Variants in MAOA observed in about 807,000 individuals in gnomAD.
The protein encoded by MAOA is amine oxidase [flavin-containing] A.
MAOA carries 6 observed loss-of-function variants against 42.0 expected under a neutral mutation model. The ratio of observed to expected loss-of-function variants is 0.14; its 90% CI spans 0.08 to 0.28. The LOEUF is 0.28. Ranked by LOEUF, MAOA falls within the 10% of genes least tolerant of loss-of-function variation. The probability of loss-of-function intolerance (pLI) is 1.00; values close to 1 mark genes in which losing one functional copy is unlikely to be tolerated. For missense variants in MAOA, 262 were observed against 422.3 expected (o/e 0.62, Z 3.33); for synonymous variants, 140 against 154.0 (o/e 0.91, Z 0.67).
At chrX:43,665,161 T>G (rs754054289) in intron 1 of MAOA, among the ~76,000 whole-genome samples, 5 of 111,625 alleles carry the variant, frequency 4.5e-5, no homozygotes, top group Non-Finnish European at 9.4e-5. Context: ...CCTTTGGGAG[T>G]TTATTATGCT....
At chrX:43,718,899 C>A (rs1302922715) in intron 5 of MAOA, among the ~76,000 whole-genome samples, 1 of 110,605 alleles carries the variant, frequency 9.0e-6, no homozygotes, top group African/African-American at 3.3e-5. Context: ...CCATCCACGA[C>A]CCAGAGGAGA....
At chrX:43,662,508 A>T (rs2033243335) in intron 1 of MAOA, among the ~76,000 whole-genome samples, 2 of 111,683 alleles carry the variant, frequency 1.8e-5, no homozygotes, top group Admixed American at 1.9e-4. Flanking sequence ...TTAACAATAG[A>T]TCTAGGTATA....
chrX:43,715,844 G>A (rs1315427329), intron 5 of MAOA, among the ~76,000 whole-genome samples: 1 of 110,849 alleles, frequency 9.0e-6, no homozygotes, highest in Non-Finnish European at 1.9e-5. Flanking sequence ...ATGTGACACA[G>A]GCACTGTGGG....
intron 9 of MAOA, among the ~76,000 whole-genome samples, chrX:43,733,307 T>C (rs1334733173): frequency 1.8e-5 from 2 of 112,433 alleles, no homozygotes; most frequent in African/African-American, 3.2e-5. Context: ...CAGGCCTTGA[T>C]TGGATGGCAT....
intron 3 of MAOA, among the ~76,000 whole-genome samples, chrX:43,711,558 C>G (rs1034370050): frequency 1.8e-5 from 2 of 111,796 alleles, no homozygotes; most frequent in Admixed American, 9.5e-5. Flanking sequence ...ATTGTAGCAC[C>G]AGTATTAGAT....
intron 5 of MAOA, among the ~76,000 whole-genome samples, chrX:43,726,318 A>G (rs915926015): frequency 9.8e-5 from 11 of 112,123 alleles, no homozygotes; most frequent in African/African-American, 3.2e-4. Flanking sequence ...CCAATCAAAC[A>G]TAGATTTGGT....
At position 43,731,769 on chromosome X, in the gene MAOA, A is replaced by C; in HGVS notation, c.871A>C (p.Arg291=). The change falls in exon 8 of 15, where the codon AGA becomes CGA. Residue 291 remains arginine (R), a synonymous_variant. Coordinates refer to ENST00000338702, the MANE Select transcript of MAOA (RefSeq NM_000240.4). ...IHFRPELPAE[R]NQLIQRLPMG... Reference sequence around the variant, plus strand: ...CTTCAGACCAGAGCTTCCAGCAGAGAGAAACCAGTTAATTCAGCGGCTTCC... The same window carrying C: ...CTTCAGACCAGAGCTTCCAGCAGAGCGAAACCAGTTAATTCAGCGGCTTCC... The C allele has an allele frequency of 8.3e-7, 1 of 1,209,729 alleles. No homozygotes were observed.
intron 1 of MAOA, among the ~76,000 whole-genome samples, chrX:43,662,130 G>C (rs2033238564): frequency 9.0e-6 from 1 of 111,442 alleles, no homozygotes; most frequent in Non-Finnish European, 1.9e-5. Context: ...GTGTGGTTTT[G>C]CAGTGATTAA....
At chrX:43,678,638 G>A (rs1411009863) in intron 1 of MAOA, among the ~76,000 whole-genome samples, 2 of 111,828 alleles carry the variant, frequency 1.8e-5, no homozygotes, top group Non-Finnish European at 3.8e-5. Flanking sequence ...GAATTTTGTA[G>A]TGATGAGGGA....
chrX:43,656,952 A>G (rs1363001916), intron 1 of MAOA, among the ~76,000 whole-genome samples: 2 of 108,624 alleles, frequency 1.8e-5, no homozygotes, highest in East Asian at 5.8e-4. Context: ...AGGGAGCAGT[A>G]GTGTTATTCC....
chrX:43,715,445 C>T (rs186870772), intron 5 of MAOA, among the ~76,000 whole-genome samples: 12 of 110,243 alleles, frequency 1.1e-4, no homozygotes, highest in African/African-American at 4.0e-4. Flanking sequence ...CTGGAGTAAC[C>T]CAAAGGGTCA....
At chrX:43,676,291 G>A (rs748000092) in intron 1 of MAOA, among the ~76,000 whole-genome samples, 6 of 112,039 alleles carry the variant, frequency 5.4e-5, no homozygotes, top group South Asian at 7.4e-4. Flanking sequence ...TTTTAAGCCC[G>A]TCAGAAAAGC....
At chrX:43,677,293 C>A (rs958559686) in intron 1 of MAOA, among the ~76,000 whole-genome samples, 1 of 111,827 alleles carries the variant, frequency 8.9e-6, no homozygotes, top group Admixed American at 9.5e-5. Flanking sequence ...GGACAGCAAC[C>A]ATTTTGGGTT....
chrX:43,698,213 A>G (rs2033596114), intron 3 of MAOA, among the ~76,000 whole-genome samples: 1 of 112,386 alleles, frequency 8.9e-6, no homozygotes, highest in South Asian at 3.7e-4. Context: ...AGAATGTTTA[A>G]ATTGTTTAAA....
At chrX:43,737,671 T>A (rs902968983) in intron 10 of MAOA, among the ~76,000 whole-genome samples, 4 of 111,847 alleles carry the variant, frequency 3.6e-5, no homozygotes, top group Non-Finnish European at 7.5e-5. Context: ...GAGAGCAGAA[T>A]CTTCCTGATT....
At chrX:43,659,735 A>G (rs1475246595) in intron 1 of MAOA, among the ~76,000 whole-genome samples, 1 of 111,320 alleles carries the variant, frequency 9.0e-6, no homozygotes, top group Non-Finnish European at 1.9e-5. Context: ...TAGCCAATCC[A>G]GCTTCTTTTC....
Position 43,731,787 on chromosome X carries a change from C to T in MAOA, c.889C>T (p.Arg297Trp), listed in dbSNP as rs2033883587. The change falls in exon 8 of 15, where the codon CGG (arginine) becomes TGG (tryptophan). Residue 297 changes from arginine to tryptophan, a missense_variant. This residue lies in a region of MAOA where 86 missense variants were observed against 190.3 expected (regional missense o/e 0.45). Transcript: ENST00000338702. Reference protein sequence around the residue: ...LPAERNQLIQRLPMGAVIKCM... With the variant: ...LPAERNQLIQWLPMGAVIKCM... Reference sequence around the variant, plus strand: ...AGCAGAGAGAAACCAGTTAATTCAGCGGCTTCCAATGGGAGCTGTCATTAA... The same window carrying T: ...AGCAGAGAGAAACCAGTTAATTCAGTGGCTTCCAATGGGAGCTGTCATTAA... 3 of 1,205,182 alleles carry T rather than the reference C, an allele frequency of 2.5e-6. No individual in the cohort carries two copies. Among genetic ancestry groups the T allele is most frequent in the African/African-American group, 1.8e-5 (1 of 56,874 alleles).
intron 1 of MAOA, among the ~76,000 whole-genome samples, chrX:43,675,852 C>T (rs1186813635): frequency 8.9e-6 from 1 of 112,047 alleles, no homozygotes; most frequent in African/African-American, 3.2e-5. Context: ...TCTGCCTCTA[C>T]TGGGGGGTGC....
At chrX:43,665,628 A>G (rs745560078) in intron 1 of MAOA, among the ~76,000 whole-genome samples, 9 of 112,040 alleles carry the variant, frequency 8.0e-5, no homozygotes, top group Non-Finnish European at 1.7e-4. Context: ...AGGACTGTCT[A>G]GACAACCAGT....
Sources: allele counts gnomAD v4.1 joint callset (sites outside exome capture counted in the v4.1 genomes callset), GRCh38; gene constraint gnomAD v4.1.1; regional missense constraint gnomAD v4.1.1; transcripts MANE v1.5; gene names NCBI Gene and HGNC (gene_info 2026-07-23, HGNC 2026-07-21).